Variants in CIDEA observed in about 807,000 individuals in gnomAD.
The protein encoded by CIDEA is lipid transferase CIDEA.
In CIDEA, 10 loss-of-function variants were observed where a neutral mutation model predicts 18.2. The observed-to-expected ratio is 0.55, with a 90% confidence interval of 0.34 to 0.93. CIDEA has a LOEUF of 0.93. Among genes scored for constraint, CIDEA ranks in the 40% least tolerant of loss-of-function variants. The probability of loss-of-function intolerance (pLI) is 0.02; values close to 1 mark genes in which losing one functional copy is unlikely to be tolerated. For missense variants in CIDEA, 309 were observed against 293.1 expected (o/e 1.05, Z -0.40); for synonymous variants, 128 against 124.8 (o/e 1.03, Z -0.17).
At chr18:12,276,227 C>T (rs1036781715) in intron 4 of CIDEA, among the ~76,000 whole-genome samples, 1 of 152,020 alleles carries the variant, frequency 6.6e-6, no homozygotes, top group Non-Finnish European at 1.5e-5. Context: ...CTACTGGCCT[C>T]AGGTGATCCA....
intron 2 of CIDEA, chr18:12,264,006 G>T (rs2144068948): frequency 4.3e-6 from 1 of 232,030 alleles, no homozygotes; most frequent in Non-Finnish European, 8.3e-6. Flanking sequence ...GGAGGCTGTG[G>T]CAGGAAGATT....
At chr18:12,261,739 T>A (rs1466180075) in intron 1 of CIDEA, among the ~76,000 whole-genome samples, 2 of 151,124 alleles carry the variant, frequency 1.3e-5, no homozygotes, top group Non-Finnish European at 3.0e-5. Context: ...ACCCAGCTAA[T>A]TTTTTTTTAT....
intron 4 of CIDEA, among the ~76,000 whole-genome samples, chr18:12,274,723 G>A (rs991082719): frequency 6.6e-6 from 1 of 152,156 alleles, no homozygotes; most frequent in African/African-American, 2.4e-5. Context: ...ATGGGCGTGT[G>A]TCCTCTCCAC....
In CIDEA at chr18:12,274,112, C is replaced by G; in HGVS notation, c.350C>G (p.Thr117Ser). 6.2e-7 allele frequency: 1 copy of G among 1,614,222 alleles called. No homozygotes were observed. The highest frequency in any genetic ancestry group is 8.5e-7 in the Non-Finnish European group (1 of 1,180,034). The change falls in exon 4 of 5, where the codon ACT becomes AGT. Residue 117 changes from threonine (T) to serine (S), a missense_variant. Physicochemically the swap from Thr to Ser is moderately conservative, Grantham distance 58. Coordinates refer to ENST00000320477, the MANE Select transcript of CIDEA (RefSeq NM_001279.4). ...TCACAGGGCAGCCAGCACGTCCCCA[C>G]TTGCTCGCCGCCGAAGAGGTCGGGA... ...KWMPGSQHVP[T>S]CSPPKRSGIA...
chr18:12,270,699 A>AAAAAAAAAAAAAAG (rs1912491462), intron 3 of CIDEA, among the ~76,000 whole-genome samples: 1 of 143,024 alleles, frequency 7.0e-6, no homozygotes, highest in African/African-American at 2.9e-5. Flanking sequence ...AAAAAAAAAA[A>AAAAAAAAAAAAAAG]AAAAAAAAAA....
At chr18:12,275,404 T>C (rs1418603847) in intron 4 of CIDEA, among the ~76,000 whole-genome samples, 1 of 152,202 alleles carries the variant, frequency 6.6e-6, no homozygotes, top group Non-Finnish European at 1.5e-5. Flanking sequence ...CCAAGCTCTT[T>C]ATGATTGCCA....
At chr18:12,274,629 C>T (rs996049686) in intron 4 of CIDEA, among the ~76,000 whole-genome samples, 5 of 152,156 alleles carry the variant, frequency 3.3e-5, no homozygotes, top group African/African-American at 7.2e-5. Flanking sequence ...TTGTACAGAA[C>T]GGTCACCTAG....
At chr18:12,270,809 C>T (rs1912495439) in intron 3 of CIDEA, among the ~76,000 whole-genome samples, 1 of 147,460 alleles carries the variant, frequency 6.8e-6, no homozygotes, top group Non-Finnish European at 1.5e-5. Context: ...TGGCTTTTTG[C>T]TTGAGGAAAG....
At chr18:12,275,612 G>C (rs1905305441) in intron 4 of CIDEA, among the ~76,000 whole-genome samples, 1 of 152,204 alleles carries the variant, frequency 6.6e-6, no homozygotes. Flanking sequence ...CTTTGAGGGT[G>C]TTGTTTCCGT....
At chr18:12,272,002 G>A (rs1426569818) in intron 3 of CIDEA, among the ~76,000 whole-genome samples, 1 of 152,078 alleles carries the variant, frequency 6.6e-6, no homozygotes, top group Non-Finnish European at 1.5e-5. Context: ...TGTGAGGCTC[G>A]GAAAAAGAGG....
chr18:12,265,510 T>A lies in CIDEA; in HGVS notation c.330+1057T>A, dbSNP rs548189269. Among the ~76,000 whole-genome samples the A allele has an allele frequency of 7.9e-5, 12 of 152,334 alleles. No homozygotes were observed. In the South Asian group the frequency reaches 1.7e-3, roughly 21 times the overall value. On this transcript the variant is annotated intron_variant, in intron 3 of 4. Transcript: ENST00000320477. Reference sequence around the variant, plus strand: ...GTGAGGGTCTGCGTAAAGCAGGGAATCTTAGAGCTCTCTCCTGGCAATTTG... The same window carrying A: ...GTGAGGGTCTGCGTAAAGCAGGGAAACTTAGAGCTCTCTCCTGGCAATTTG...
chr18:12,261,667 G>A (rs574008939), intron 1 of CIDEA, among the ~76,000 whole-genome samples: 123 of 152,030 alleles, frequency 8.1e-4, no homozygotes, highest in African/African-American at 2.6e-3. Flanking sequence ...AGGTTCATCC[G>A]GGCTCAAGCA....
chr18:12,258,966 A>G (rs1182858447), intron 1 of CIDEA, among the ~76,000 whole-genome samples: 1 of 152,198 alleles, frequency 6.6e-6, no homozygotes, highest in African/African-American at 2.4e-5. Flanking sequence ...CCGGGTCACC[A>G]GGAGTGAGAG....
At position 12,274,271 on chromosome 18, in the gene CIDEA, T is replaced by G; in HGVS notation, c.509T>G (p.Leu170Arg). 1 of 1,614,154 alleles carries G rather than the reference T, an allele frequency of 6.2e-7. No homozygotes were observed. The highest frequency in any genetic ancestry group is 8.5e-7 in the Non-Finnish European group (1 of 1,179,998). Residue 170 changes from leucine to arginine, a missense_variant, in exon 4 of 5, where the codon CTG (leucine) becomes CGG (arginine). By Grantham distance (102) the Leu-to-Arg change is moderately radical (BLOSUM62 -2). Transcript: ENST00000320477. ...DIRCTGLKGL[L>R]RSLLRFLSYS... ...CGGTGCACGGGACTCAAGGGCCTGC[T>G]GAGGTAACACACTCCAGGGGTCACC...
In CIDEA at chr18:12,261,156, G is replaced by A. The variant is rs1912179833; in HGVS notation, c.39-1669G>A. Among the ~76,000 whole-genome samples the A allele has an allele frequency of 2.0e-5, 3 of 152,354 alleles. No individual in the cohort carries two copies. In the South Asian group the frequency reaches 6.2e-4, roughly 32 times the overall value. On this transcript the variant is annotated intron_variant, in intron 1 of 4. Coordinates refer to ENST00000320477, the MANE Select transcript of CIDEA (RefSeq NM_001279.4). ...CTAGCACTTTGGGATGCTGAGGTGG[G>A]TGGATCACTTGAGGTCAGGAGTTTG...
chr18:12,277,292 C>T lies in CIDEA; in HGVS notation c.*22C>T. 1.2e-6 allele frequency: 2 copies of T among 1,613,754 alleles called. No homozygotes were observed. The highest frequency in any genetic ancestry group is 8.5e-7 in the Non-Finnish European group (1 of 1,179,868). On this transcript the variant is annotated 3_prime_UTR_variant, in exon 5 of 5. Transcript: ENST00000320477. Reference sequence around the variant, plus strand: ...ATAGGGATGCAGGCTGTCGCCGGCTCTTGAGCCAAACACTGTGTTTCGTTT... The same window carrying T: ...ATAGGGATGCAGGCTGTCGCCGGCTTTTGAGCCAAACACTGTGTTTCGTTT...
intron 1 of CIDEA, among the ~76,000 whole-genome samples, chr18:12,258,673 G>A (rs1012355792): frequency 1.3e-5 from 2 of 152,214 alleles, no homozygotes; most frequent in South Asian, 2.1e-4. Flanking sequence ...GGTGGAAGCC[G>A]GAGCTGGATT....
intron 3 of CIDEA, among the ~76,000 whole-genome samples, chr18:12,266,958 A>G (rs1912367992): frequency 6.6e-6 from 1 of 151,996 alleles, no homozygotes; most frequent in Non-Finnish European, 1.5e-5. Context: ...ATGGGGTTTC[A>G]CCATATTGGA....
At position 12,264,372 on chromosome 18, in the gene CIDEA, G is replaced by T; in HGVS notation, c.249G>T (p.Val83=). The T allele has an allele frequency of 6.2e-7, 1 of 1,614,010 alleles. No homozygotes were observed. The highest frequency in any genetic ancestry group is 8.5e-7 in the Non-Finnish European group (1 of 1,179,902). The change falls in exon 3 of 5, where the codon GTG becomes GTT. Residue 83 remains valine (V), a synonymous_variant. Transcript: ENST00000320477. ...TGGTGCTGGAGGAAGATGGCACCGTGGTGGACACAGAAGAGTTCTTTCAGA... is the reference window on the plus strand; with the variant it reads ...TGGTGCTGGAGGAAGATGGCACCGTTGTGGACACAGAAGAGTTCTTTCAGA... ...VTLVLEEDGT[V]VDTEEFFQTL...
Sources: gnomAD v4.1 joint callset for allele counts (sites outside exome capture counted in the v4.1 genomes callset) on GRCh38, gnomAD v4.1.1 for gene constraint, MANE v1.5 for transcripts, NCBI Gene and HGNC (gene_info 2026-07-23, HGNC 2026-07-21) for gene names.